LIN28B: variants seen among roughly 807,000 people sequenced by gnomAD.
LIN28B encodes the protein protein lin-28 homolog B.
A neutral mutation model predicts 21.9 loss-of-function variants in LIN28B; 5 were observed. The observed-to-expected ratio is 0.23, with a 90% CI of 0.12 to 0.48. The LOEUF (loss-of-function observed/expected upper bound fraction) is 0.48. LIN28B is among the 20% of genes least tolerant of loss of function. The pLI is 0.98. For missense variants in LIN28B, 245 were observed against 310.5 expected, an observed-to-expected ratio of 0.79 and a Z score of 1.58; for synonymous variants, 109 against 111.3, an observed-to-expected ratio of 0.98 and a Z score of 0.13.
At chr6:104,951,936 C>T (rs1054403612) in intron 3 of LIN28B, among the ~76,000 whole-genome samples, 9 of 152,246 alleles carry the variant, frequency 5.9e-5, no homozygotes, top group African/African-American at 2.2e-4. Flanking sequence ...CTCACACATG[C>T]TGATTTGCTT....
intron 1 of LIN28B, 45 bp from the exon 2 acceptor site, chr6:104,958,054 T>C (rs762932175): frequency 5.3e-6 from 7 of 1,314,718 alleles, no homozygotes; most frequent in Non-Finnish European, 7.0e-6. Flanking sequence ...TGAATGCACA[T>C]TGAATGGGAA....
chr6:105,020,783 C>T lies in LIN28B; in HGVS notation c.199-5515C>T, dbSNP rs1429746914. The stretch of plus-strand genomic sequence containing the variant: ...TTTTTTTTTTTTTGAGACGAAGTCT[C>T]GCTCTGTTGCCCAGGCTGGAGTGCA... On this transcript the variant is annotated intron_variant, in intron 2 of 3. Transcript: ENST00000345080. Among the ~76,000 whole-genome samples, 6 of 124,466 alleles carry T rather than the reference C, an allele frequency of 4.8e-5. No homozygotes were observed. In the East Asian group the frequency reaches 1.0e-3, roughly 21 times the overall value. 81.7% of individuals were successfully genotyped at this position (124,466 alleles called of 152,430 possible).
chr6:104,955,560 T>C (rs2114560781), upstream of LIN28B, among the ~76,000 whole-genome samples: 1 of 151,918 alleles, frequency 6.6e-6, no homozygotes, highest in East Asian at 1.9e-4. Flanking sequence ...GGGGAGGGAG[T>C]ATAAATAGGT....
intron 2 of LIN28B, 106 bp downstream of exon 2, chr6:104,958,392 A>ATTTC: frequency 1.1e-6 from 1 of 905,856 alleles, no homozygotes; most frequent in Admixed American, 2.3e-5. Context: ...GTATATTGAA[A>ATTTC]GACAAAATCT....
chr6:104,948,391 C>T (rs572155238), intron 2 of LIN28B, among the ~76,000 whole-genome samples: 1 of 152,248 alleles, frequency 6.6e-6, no homozygotes, highest in African/African-American at 2.4e-5. Context: ...CGCTTAAACC[C>T]AGGAGGCAGA....
At chr6:105,063,645 G>A (rs78817289) in intron 3 of LIN28B, among the ~76,000 whole-genome samples, 1 of 135,086 alleles carries the variant, frequency 7.4e-6, no homozygotes, top group African/African-American at 2.9e-5. Flanking sequence ...CGGGGGGGGG[G>A]GGGAAAAAAA....
chr6:105,021,681 T>C (rs1334714621), intron 2 of LIN28B, among the ~76,000 whole-genome samples: 1 of 152,166 alleles, frequency 6.6e-6, no homozygotes. Flanking sequence ...TGCTCACTAT[T>C]TTTGTTGTTT....
chr6:105,029,198 T>A (rs973855976), intron 3 of LIN28B, among the ~76,000 whole-genome samples: 4 of 152,044 alleles, frequency 2.6e-5, no homozygotes, highest in African/African-American at 9.7e-5. Flanking sequence ...GTTTAGACAA[T>A]CTTTTGAGAA....
At chr6:104,991,223 C>T (rs1327647614) in intron 2 of LIN28B, among the ~76,000 whole-genome samples, 2 of 149,992 alleles carry the variant, frequency 1.3e-5, no homozygotes, top group Admixed American at 1.3e-4. Flanking sequence ...GGTGGCTGGC[C>T]GGGCGGGGGC....
intron 3 of LIN28B, among the ~76,000 whole-genome samples, chr6:105,067,453 C>T (rs1013751331): frequency 6.6e-6 from 1 of 152,178 alleles, no homozygotes; most frequent in Non-Finnish European, 1.5e-5. Flanking sequence ...CTGAAAGCAG[C>T]ACTGGCCGAG....
At chr6:104,944,121 T>C (rs929260647) in intron 2 of LIN28B, among the ~76,000 whole-genome samples, 2 of 117,284 alleles carry the variant, frequency 1.7e-5, no homozygotes, top group African/African-American at 2.6e-5. Context: ...TGCATATATA[T>C]TTCATAAATT....
intron 3 of LIN28B, among the ~76,000 whole-genome samples, chr6:105,062,732 T>C (rs1440955704): frequency 6.6e-6 from 1 of 152,176 alleles, no homozygotes; most frequent in Non-Finnish European, 1.5e-5. Flanking sequence ...TTCTTGGTGG[T>C]TCTTGCATTT....
intron 3 of LIN28B, among the ~76,000 whole-genome samples, chr6:105,028,109 T>C (rs745899783): frequency 1.1e-4 from 17 of 152,180 alleles, no homozygotes; most frequent in Non-Finnish European, 2.4e-4. Context: ...CAGCCCTTTA[T>C]TTTTCCATGT....
intron 2 of LIN28B, among the ~76,000 whole-genome samples, chr6:104,971,507 T>C (rs1339227729): frequency 6.6e-6 from 1 of 152,126 alleles, no homozygotes; most frequent in East Asian, 1.9e-4. Context: ...TTTTTAGTAG[T>C]GTTTTGTGGT....
chr6:105,077,338 A>G lies in LIN28B; in HGVS notation c.384-1076A>G, dbSNP rs1011986114. 6.6e-5 allele frequency among the ~76,000 whole-genome samples: 10 copies of G among 152,224 alleles called. 1 individual carries two copies. Among genetic ancestry groups the G allele is most frequent in the African/African-American group, 2.4e-4 (10 of 41,452 alleles). On this transcript the variant is annotated intron_variant, in intron 3 of 3. Transcript: ENST00000345080. Reference sequence around the variant, plus strand: ...AGCTCTTAAAATATTTCATTTGGAGACAAGTCATTAAACAAATTCTGTATT... The same window carrying G: ...AGCTCTTAAAATATTTCATTTGGAGGCAAGTCATTAAACAAATTCTGTATT...
At chr6:105,048,722 A>G (rs1444249422) in intron 3 of LIN28B, among the ~76,000 whole-genome samples, 1 of 152,108 alleles carries the variant, frequency 6.6e-6, no homozygotes, top group Non-Finnish European at 1.5e-5. Context: ...CAGGGATTCA[A>G]CTTCTTGCTG....
chr6:105,027,571 T>G (rs1771313479), intron 3 of LIN28B, among the ~76,000 whole-genome samples: 1 of 151,984 alleles, frequency 6.6e-6, no homozygotes, highest in African/African-American at 2.4e-5. Context: ...AAGAAATTTT[T>G]TTAGCTTATA....
chr6:104,990,382 AAG>A (rs1341188440), intron 2 of LIN28B, among the ~76,000 whole-genome samples: 2 of 151,858 alleles, frequency 1.3e-5, no homozygotes, highest in African/African-American at 4.8e-5. Flanking sequence ...TTTTCTGTCT[AAG>A]AGAATCTGAT....
chr6:104,986,867 A>G (rs1023775913), intron 2 of LIN28B, among the ~76,000 whole-genome samples: 2 of 152,192 alleles, frequency 1.3e-5, no homozygotes, highest in African/African-American at 4.8e-5. Flanking sequence ...CCTCATTTAC[A>G]ACTCACCAAT....
Sources: gnomAD v4.1 joint callset for allele counts (sites outside exome capture counted in the v4.1 genomes callset) on GRCh38, gnomAD v4.1.1 for gene constraint, MANE v1.5 for transcripts, NCBI Gene and HGNC (gene_info 2026-07-23, HGNC 2026-07-21) for gene names.